The following CERS1 variants were observed in gnomAD, a reference collection of about 807,000 sequenced individuals.
CERS1 encodes ceramide synthase 1, also known as Embryonic growth/differentiation factor 1.
Under a neutral mutation model 35.7 loss-of-function variants are expected in CERS1, and 16 were observed. That is an observed-to-expected ratio of 0.45 (90% CI 0.30 to 0.68). The LOEUF is 0.68. CERS1 is among the 30% of genes least tolerant of loss of function. The probability of loss-of-function intolerance (pLI) is 0.08; values close to 1 mark genes in which losing one functional copy is unlikely to be tolerated. For missense variants in CERS1, 454 were observed against 453.9 expected (o/e 1.00, Z 0.00); for synonymous variants, 243 against 201.6 (o/e 1.21, Z -1.74).
chr19:18,884,772 G>A (rs561193359), intron 2 of CERS1, among the ~76,000 whole-genome samples: 8 of 139,006 alleles, frequency 5.8e-5, no homozygotes, highest in East Asian at 4.3e-4. Flanking sequence ...GGAGTGCAGC[G>A]GCACGATCTC....
intron 1 of CERS1, among the ~76,000 whole-genome samples, chr19:18,894,608 G>A (rs1176954095): frequency 1.3e-5 from 2 of 152,038 alleles, no homozygotes; most frequent in African/African-American, 4.8e-5. Flanking sequence ...CCTGGGTCTC[G>A]GGCTTCCCAG....
chr19:18,869,760 A>G (rs1329640117), intron 7 of CERS1, among the ~76,000 whole-genome samples: 1 of 152,084 alleles, frequency 6.6e-6, no homozygotes, highest in African/African-American at 2.4e-5. Context: ...ACAGGGCTTC[A>G]GCATCAAGCA....
At chr19:18,889,022 A>G (rs915628256) in intron 2 of CERS1, among the ~76,000 whole-genome samples, 2 of 151,116 alleles carry the variant, frequency 1.3e-5, no homozygotes, top group Admixed American at 1.3e-4. Context: ...CTGCCGAGTA[A>G]CTGGGATTAC....
At position 18,896,049 on chromosome 19, in the gene CERS1, C is replaced by T; in HGVS notation, c.24G>A (p.Ala8=). The T allele has an allele frequency of 1.0e-6, 1 of 986,408 alleles. No individual in the cohort carries two copies. The highest frequency in any genetic ancestry group is 1.2e-6 in the Non-Finnish European group (1 of 831,976). 61.1% of individuals were successfully genotyped at this position (986,408 alleles called of 1,614,324 possible). Residue 8 remains alanine (A), a synonymous_variant, in exon 1 of 8, where the codon GCG becomes GCA. Transcript: ENST00000623882. The surrounding 1 kb of genome is among the most constrained non-coding windows in gnomAD (Gnocchi z 5.9). ...GCATGGGCTCGGGCCCCGTCGGCCC[C>T]GCCGCGGGCCCCGCCGCCGCCATAC... is the stretch of plus-strand genomic sequence containing the variant. The part of the protein sequence containing the change: MAAAGPA[A]GPTGPEPMPS...
upstream of CERS1, chr19:18,896,205 C>A (rs1360767403): frequency 4.9e-6 from 1 of 203,514 alleles, no homozygotes; most frequent in Non-Finnish European, 8.5e-6. The surrounding 1 kb of genome is among the most constrained non-coding windows in gnomAD (Gnocchi z 5.9). Context: ...AGGGGCGGGA[C>A]CGGCGCAAGC....
In CERS1 at chr19:18,870,383, G is replaced by A; in HGVS notation, c.*194C>T. The A allele has an allele frequency of 2.0e-6, 3 of 1,507,874 alleles. No individual in the cohort carries two copies. The highest frequency in any genetic ancestry group is 2.7e-6 in the Non-Finnish European group (3 of 1,119,568). 93.4% of individuals were successfully genotyped at this position (1,507,874 alleles called of 1,614,324 possible). A position where few individuals can be genotyped will look rare whatever the true frequency, so the allele number is the denominator to read the frequency against. On this transcript the variant is annotated 3_prime_UTR_variant, in exon 7 of 8. Coordinates refer to ENST00000623882, the MANE Select transcript of CERS1 (RefSeq NM_021267.5). This position sits in a 1 kb window ranked among gnomAD's most constrained non-coding sequence, Gnocchi z 5.1. ...GACCAGTGGGCTGAGGGCGGGGCCG[G>A]TGTCCCCGGAGGGGCAGGGGTCCTG...
Position 18,871,570 on chromosome 19 carries a change from G to T in CERS1, c.1011-951C>A, listed in dbSNP as rs542064536. Among the ~76,000 whole-genome samples, 244 of 152,274 alleles carry T rather than the reference G, an allele frequency of 1.6e-3. 1 individual carries two copies. Among genetic ancestry groups the T allele is most frequent in the Non-Finnish European group, 3.0e-3 (203 of 68,028 alleles). On this transcript the variant is annotated intron_variant, in intron 6 of 7. Transcript: ENST00000623882. The stretch of plus-strand genomic sequence containing the variant: ...GTTGAGATGAGGTCGCTATGTTGTA[G>T]AGGTGAGGTTGCTATGTTGTCCAGG...
In CERS1 at chr19:18,880,432, G is replaced by A. The variant is rs754098245; in HGVS notation, c.594C>T (p.Tyr198=). ...AGAGCACAAGGATGCCCACATTGTGGTACCTGGGGGAGCAGCAGGCAGAGA... is the reference window on the plus strand; with the variant it reads ...AGAGCACAAGGATGCCCACATTGTGATACCTGGGGGAGCAGCAGGCAGAGA... The part of the protein sequence containing the change: ...ILIVSSYAFR[Y]HNVGILVLFL... The change falls in exon 4 of 8, where the codon TAC becomes TAT. Residue 198 remains tyrosine (Y), a synonymous_variant. Transcript: ENST00000623882. The A allele has an allele frequency of 1.9e-6, 3 of 1,581,002 alleles. No homozygotes were observed. Among genetic ancestry groups the A allele is most frequent in the Non-Finnish European group, 2.6e-6 (3 of 1,160,984 alleles).
rs1402302169 is a variant in CERS1 at position 18,868,587 on chromosome 19, C to T, written c.*1398G>A. ...TTTATTGTTGGGCCCGCGTCCCTGC[C>T]CGCCCCGGGTTAGCGGCAGCCGCAC... On this transcript the variant is annotated 3_prime_UTR_variant, in exon 8 of 8. Transcript: ENST00000623882. 11 of 1,548,288 alleles carry T rather than the reference C, an allele frequency of 7.1e-6. No homozygotes were observed. Among genetic ancestry groups the T allele is most frequent in the Non-Finnish European group, 9.6e-6 (11 of 1,143,898 alleles).
chr19:18,870,415 G>A lies in CERS1; in HGVS notation c.*162C>T. The stretch of plus-strand genomic sequence containing the variant: ...CGGAGGGGCAGGGGTCCTGGGGGGC[G>A]TGGCCGGGAACTGGAGGCAGGATGA... On this transcript the variant is annotated 3_prime_UTR_variant, in exon 7 of 8. Transcript: ENST00000623882. This position sits in a 1 kb window ranked among gnomAD's most constrained non-coding sequence, Gnocchi z 5.1. The A allele has an allele frequency of 2.4e-6, 3 of 1,263,730 alleles. No homozygotes were observed. Among genetic ancestry groups the A allele is most frequent in the Non-Finnish European group, 3.3e-6 (3 of 909,966 alleles). The allele number at this position is 1,263,730 out of a possible 1,614,324, so 78.3% of individuals were successfully genotyped here.
At position 18,884,017 on chromosome 19, in the gene CERS1, G is replaced by A. The variant is rs1057104700; in HGVS notation, c.590+70C>T. 10 of 1,501,424 alleles carry A rather than the reference G, an allele frequency of 6.7e-6. No homozygotes were observed. In the East Asian group the frequency reaches 1.2e-4, roughly 18 times the overall value. 93.0% of individuals were successfully genotyped at this position (1,501,424 alleles called of 1,614,324 possible). A position where few individuals can be genotyped will look rare whatever the true frequency, so the allele number is the denominator to read the frequency against. On this transcript the variant is annotated intron_variant, in intron 3 of 7. Transcript: ENST00000623882. ...CCCTCCACGGCCTCCTCTGTGCCCC[G>A]CCGCAACATCAGCCTCCGCACTCTG...
intron 6 of CERS1, among the ~76,000 whole-genome samples, chr19:18,873,351 A>G (rs1319053338): frequency 6.6e-6 from 1 of 151,672 alleles, no homozygotes; most frequent in African/African-American, 2.4e-5. Flanking sequence ...CCCAGAAGAG[A>G]AGGAGGCCAG....
chr19:18,884,190 T>A lies in CERS1; in HGVS notation c.487A>T (p.Ile163Phe). The part of the protein sequence containing the change: ...LLQGSFYGHS[I>F]YATLYMDTWR... ...GTGTCCATGTATAGCGTAGCGTAGA[T>A]GGAGTGGCCATAGAAGCTTCCCTGG... The change falls in exon 3 of 8, where the codon ATC becomes TTC. Residue 163 changes from isoleucine (I) to phenylalanine (F), a missense_variant. By Grantham distance (21) the Ile-to-Phe change is conservative. Coordinates refer to ENST00000623882, the MANE Select transcript of CERS1 (RefSeq NM_021267.5). 3.7e-6 allele frequency: 6 copies of A among 1,613,242 alleles called. No homozygotes were observed. Among genetic ancestry groups the A allele is most frequent in the Non-Finnish European group, 5.1e-6 (6 of 1,179,784 alleles).
chr19:18,894,020 G>A (rs1357777430), intron 1 of CERS1, among the ~76,000 whole-genome samples: 1 of 151,622 alleles, frequency 6.6e-6, no homozygotes, highest in Non-Finnish European at 1.5e-5. Context: ...TTGTGAGGAA[G>A]CCGCCCCCTC....
intron 2 of CERS1, among the ~76,000 whole-genome samples, 152 bp downstream of exon 2, chr19:18,893,264 G>C (rs1165547722): frequency 1.3e-5 from 2 of 152,162 alleles, no homozygotes; most frequent in Admixed American, 6.5e-5. Context: ...GTCCAGGCTG[G>C]AGTGCAGTGG....
chr19:18,888,519 TAAAAAAAAAAA>T (rs781426705), intron 2 of CERS1, among the ~76,000 whole-genome samples: 6 of 59,032 alleles, frequency 1.0e-4, no homozygotes, highest in African/African-American at 4.5e-4. Context: ...CCCTGTCTCT[TAAAAAAAAAAA>T]AAAAAAAAAA....
upstream of CERS1, chr19:18,896,192 C>A (rs998761775): frequency 6.2e-5 from 15 of 242,822 alleles, no homozygotes; most frequent in Non-Finnish European, 7.8e-5. The surrounding 1 kb of genome is among the most constrained non-coding windows in gnomAD (Gnocchi z 5.9). Context: ...GAGCGGAGGG[C>A]GGAGGGGCGG....
In CERS1 at chr19:18,875,711, C is replaced by T. The variant is rs532997512; in HGVS notation, c.1010+3219G>A. On this transcript the variant is annotated intron_variant, in intron 6 of 7. Coordinates refer to ENST00000623882, the MANE Select transcript of CERS1 (RefSeq NM_021267.5). ...GTCATGAGACCACAAGCTCAGACAA[C>T]ACCTTAGACAACAAGACCAGTGACC... 4.6e-5 allele frequency among the ~76,000 whole-genome samples: 7 copies of T among 152,294 alleles called. No individual in the cohort carries two copies. In the South Asian group the frequency reaches 1.2e-3, roughly 27 times the overall value.
rs2145989989 is a variant in CERS1, at chr19:18,870,379, G to T, written c.*198C>A. 6.6e-7 allele frequency: 1 copy of T among 1,520,442 alleles called. No homozygotes were observed. The highest frequency in any genetic ancestry group is 8.8e-7 in the Non-Finnish European group (1 of 1,130,104). 94.2% of individuals were successfully genotyped at this position (1,520,442 alleles called of 1,614,324 possible). On this transcript the variant is annotated 3_prime_UTR_variant, in exon 7 of 8. Transcript: ENST00000623882. The surrounding 1 kb of genome is among the most constrained non-coding windows in gnomAD (Gnocchi z 5.1). Reference sequence around the variant, plus strand: ...CCGGGACCAGTGGGCTGAGGGCGGGGCCGGTGTCCCCGGAGGGGCAGGGGT... The same window carrying T: ...CCGGGACCAGTGGGCTGAGGGCGGGTCCGGTGTCCCCGGAGGGGCAGGGGT...
Sources: allele counts gnomAD v4.1 joint callset (sites outside exome capture counted in the v4.1 genomes callset), GRCh38; gene constraint gnomAD v4.1.1; non-coding constraint Gnocchi (gnomAD v3.1); transcripts MANE v1.5; gene names NCBI Gene and HGNC (gene_info 2026-07-23, HGNC 2026-07-21).